The following VWA8 variants were observed in gnomAD, a reference collection of about 807,000 sequenced individuals.
The protein encoded by VWA8 is von Willebrand factor A domain containing 8.
Under a neutral mutation model 241.5 loss-of-function variants are expected in VWA8, and 221 were observed. The ratio of observed to expected loss-of-function variants is 0.91; its 90% CI spans 0.82 to 1.02. The LOEUF (loss-of-function observed/expected upper bound fraction) is 1.02. Among genes scored for constraint, VWA8 ranks in the 50% least tolerant of loss-of-function variants. VWA8 has a pLI of 0.00. For missense variants in VWA8, 2,322 were observed against 2,328.7 expected (o/e 1.00, Z 0.06); for synonymous variants, 852 against 827.1 (o/e 1.03, Z -0.52).
chr13:41,596,227 G>A (rs2044487286), intron 40 of VWA8, among the ~76,000 whole-genome samples: 1 of 152,078 alleles, frequency 6.6e-6, no homozygotes, highest in South Asian at 2.1e-4. Flanking sequence ...TAGTTTTCAA[G>A]TATGTAACTT....
intron 37 of VWA8, among the ~76,000 whole-genome samples, chr13:41,626,820 A>C (rs1244676296): frequency 6.6e-6 from 1 of 152,214 alleles, no homozygotes; most frequent in Non-Finnish European, 1.5e-5. Flanking sequence ...AAAACCCTAG[A>C]CAAAAACCTA....
chr13:41,686,492 C>T (rs2045137159), intron 34 of VWA8, among the ~76,000 whole-genome samples: 1 of 151,716 alleles, frequency 6.6e-6, no homozygotes, highest in Admixed American at 6.6e-5. Flanking sequence ...AGTGTTTGTT[C>T]AAGTCTTTTG....
intron 19 of VWA8, among the ~76,000 whole-genome samples, chr13:41,778,321 A>G (rs1868711966): frequency 6.6e-6 from 1 of 152,096 alleles, no homozygotes; most frequent in Non-Finnish European, 1.5e-5. Flanking sequence ...TTCAACTCAA[A>G]TATTTTTTTA....
intron 14 of VWA8, among the ~76,000 whole-genome samples, chr13:41,821,381 T>A (rs899726789): frequency 3.9e-5 from 6 of 152,158 alleles, no homozygotes; most frequent in Admixed American, 1.3e-4. Context: ...CCTTTTTGTT[T>A]GCTAGGTTCT....
chr13:41,675,299 A>G lies in VWA8; in HGVS notation c.4328-3T>C, dbSNP rs1472767728. The stretch of plus-strand genomic sequence containing the variant: ...AGATGTTTGTGGAGGAGTAACATCT[A>G]CAAACAAGTCATGACATGAGCCAAG... On this transcript the variant is annotated splice_polypyrimidine_tract_variant and splice_region_variant and intron_variant, in intron 35 of 44. Transcript: ENST00000379310. 6.2e-7 allele frequency: 1 copy of G among 1,608,198 alleles called. No homozygotes were observed. The highest frequency in any genetic ancestry group is 8.5e-7 in the Non-Finnish European group (1 of 1,176,552).
chr13:41,643,459 T>C (rs1266682151), intron 37 of VWA8, among the ~76,000 whole-genome samples: 1 of 152,230 alleles, frequency 6.6e-6, no homozygotes, highest in African/African-American at 2.4e-5. Flanking sequence ...CAATAAATAG[T>C]TGTCAAAGGA....
chr13:41,902,567 TATCA>T (rs1447897762), intron 4 of VWA8, among the ~76,000 whole-genome samples: 2 of 152,236 alleles, frequency 1.3e-5, no homozygotes, highest in African/African-American at 4.8e-5. Context: ...GCCTTGCACA[TATCA>T]ATCATTCAAT....
Position 41,712,698 on chromosome 13 carries a change from C to T in VWA8, c.3116+6893G>A, listed in dbSNP as rs555439395. ...CAGAGAGATCTGTGGTTGAATGCCC[C>T]GTTCTATCACTTATTGGTTGTAGAA... On this transcript the variant is annotated intron_variant, in intron 26 of 44. Coordinates refer to ENST00000379310, the MANE Select transcript of VWA8 (RefSeq NM_015058.2). Among the ~76,000 whole-genome samples the T allele has an allele frequency of 3.0e-4, 45 of 152,210 alleles. 2 individuals are homozygous for T. The highest frequency in any genetic ancestry group is 2.2e-3 in the Admixed American group (33 of 15,298).
chr13:41,587,799 T>G, intron 41 of VWA8, 129 bp from the exon 42 acceptor site: 1 of 1,070,306 alleles, frequency 9.3e-7, no homozygotes, highest in Non-Finnish European at 1.3e-6. Flanking sequence ...GGCTCAGCCC[T>G]GCACAAGGCT....
chr13:41,811,427 T>C (rs1435323994), intron 16 of VWA8, 87 bp from the exon 17 acceptor site: 1 of 1,051,116 alleles, frequency 9.5e-7, no homozygotes, highest in Non-Finnish European at 1.4e-6. Flanking sequence ...GAATTCATTA[T>C]TACTGAAGGG....
At chr13:41,818,891 T>C (rs1241112356) in intron 15 of VWA8, among the ~76,000 whole-genome samples, 1 of 152,198 alleles carries the variant, frequency 6.6e-6, no homozygotes, top group East Asian at 1.9e-4. Context: ...GCCACATTCA[T>C]GGTTCTTAGA....
intron 37 of VWA8, among the ~76,000 whole-genome samples, chr13:41,653,629 C>G (rs2044882820): frequency 6.6e-6 from 1 of 152,150 alleles, no homozygotes; most frequent in Non-Finnish European, 1.5e-5. Flanking sequence ...AAGAACAAAG[C>G]TGGAGGCATC....
chr13:41,628,500 C>G (rs556445767), intron 37 of VWA8, among the ~76,000 whole-genome samples: 1 of 152,260 alleles, frequency 6.6e-6, no homozygotes, highest in Admixed American at 6.5e-5. Context: ...TGTAGCACTT[C>G]CCACAATGGC....
chr13:41,732,337 T>C (rs145421800), intron 21 of VWA8, among the ~76,000 whole-genome samples, 182 bp from the exon 22 acceptor site: 38 of 152,256 alleles, frequency 2.5e-4, no homozygotes, highest in African/African-American at 8.9e-4. Flanking sequence ...GTAGACTTAA[T>C]ACAGTATAAA....
intron 20 of VWA8, among the ~76,000 whole-genome samples, chr13:41,765,723 C>A (rs1177660749): frequency 6.6e-6 from 1 of 152,062 alleles, no homozygotes; most frequent in African/African-American, 2.4e-5. Context: ...TAATTTTGTT[C>A]CTATACATAT....
intron 14 of VWA8, among the ~76,000 whole-genome samples, chr13:41,826,629 G>A (rs1293510678): frequency 6.6e-6 from 1 of 152,128 alleles, no homozygotes; most frequent in African/African-American, 2.4e-5. Context: ...CAGCACTTTG[G>A]GAGGCCAAGG....
chr13:41,823,412 T>G (rs1480520786), intron 14 of VWA8, among the ~76,000 whole-genome samples: 1 of 152,198 alleles, frequency 6.6e-6, no homozygotes, highest in African/African-American at 2.4e-5. Context: ...CCACTAATCT[T>G]TATTGTTTCC....
chr13:41,858,278 T>C (rs1275058267), intron 12 of VWA8, among the ~76,000 whole-genome samples: 2 of 152,090 alleles, frequency 1.3e-5, no homozygotes, highest in Non-Finnish European at 2.9e-5. Flanking sequence ...ATATTCTACA[T>C]AAAAGAGGCA....
chr13:41,735,532 G>A (rs9315863), intron 21 of VWA8, among the ~76,000 whole-genome samples: 50,870 of 151,934 alleles, frequency 0.33, 8,809 homozygotes, highest in Non-Finnish European at 0.37. Flanking sequence ...GCTTTTAGTG[G>A]AGTAGTATGT....
Sources: allele counts gnomAD v4.1 joint callset (sites outside exome capture counted in the v4.1 genomes callset), GRCh38; gene constraint gnomAD v4.1.1; transcripts MANE v1.5; gene names NCBI Gene and HGNC (gene_info 2026-07-23, HGNC 2026-07-21).